PAK1: variants seen among roughly 807,000 people sequenced by gnomAD.
PAK1 encodes p21 (RAC1) activated kinase 1, also known as serine/threonine-protein kinase PAK 1.
Under a neutral mutation model 67.4 loss-of-function variants are expected in PAK1, and 29 were observed. The ratio of observed to expected loss-of-function variants is 0.43; its 90% confidence interval spans 0.32 to 0.59. The LOEUF (loss-of-function observed/expected upper bound fraction) is 0.59, where lower values mean the gene tolerates loss of function less well. Among genes scored for constraint, PAK1 ranks in the 20% least tolerant of loss-of-function variants. The pLI is 0.07. For synonymous variants in PAK1, 223 were observed against 237.4 expected, an observed-to-expected ratio of 0.94 and a Z score of 0.56; for missense variants, 337 against 670.7, an observed-to-expected ratio of 0.50 and a Z score of 5.50.
At chr11:77,471,685 A>T (rs998876361) in intron 1 of PAK1, among the ~76,000 whole-genome samples, 3 of 152,080 alleles carry the variant, frequency 2.0e-5, no homozygotes, top group African/African-American at 7.2e-5. Flanking sequence ...ATTCCATGTT[A>T]CTCTGAAATT....
At chr11:77,453,924 T>A (rs1412672218) in intron 1 of PAK1, among the ~76,000 whole-genome samples, 1 of 151,868 alleles carries the variant, frequency 6.6e-6, no homozygotes, top group African/African-American at 2.4e-5. Context: ...TACAAAAAAA[T>A]ACAAAAAAAT....
At chr11:77,509,236 C>G in the PAK1 span, among the ~76,000 whole-genome samples, 1 of 151,178 alleles carries the variant, frequency 6.6e-6, no homozygotes, top group African/African-American at 2.4e-5. Flanking sequence ...CCAGCCTGGG[C>G]GACTGAGCGA....
intron 1 of PAK1, among the ~76,000 whole-genome samples, chr11:77,415,930 A>G (rs1331362180): frequency 6.6e-6 from 1 of 151,516 alleles, no homozygotes; most frequent in East Asian, 1.9e-4. Flanking sequence ...ACAGCTATAC[A>G]ATATTTTCTT....
At chr11:77,355,430 T>C (rs2136503860) in intron 7 of PAK1, among the ~76,000 whole-genome samples, 1 of 152,228 alleles carries the variant, frequency 6.6e-6, no homozygotes, top group East Asian at 1.9e-4. Flanking sequence ...GGGTGAGGGA[T>C]GCCCTGCCCT....
intron 11 of PAK1, among the ~76,000 whole-genome samples, chr11:77,338,991 T>A (rs1943164190): frequency 6.6e-6 from 1 of 152,034 alleles, no homozygotes; most frequent in African/African-American, 2.4e-5. Flanking sequence ...ATAAAAAGGA[T>A]CTAAAATTCA....
chr11:77,415,119 T>C (rs1048343622), intron 1 of PAK1, among the ~76,000 whole-genome samples: 2 of 152,216 alleles, frequency 1.3e-5, no homozygotes, highest in Non-Finnish European at 2.9e-5. Context: ...AATAAGCATA[T>C]GAAAAGATGC....
the PAK1 span, among the ~76,000 whole-genome samples, chr11:77,514,097 C>T: frequency 1.3e-5 from 2 of 152,280 alleles, no homozygotes; most frequent in South Asian, 4.1e-4. Flanking sequence ...GGAGAGATTC[C>T]AGAGCCTGCT....
At chr11:77,325,515 T>G in intron 14 of PAK1, 1 of 829,830 alleles carries the variant, frequency 1.2e-6, no homozygotes, top group South Asian at 2.0e-5. Flanking sequence ...TATTACTAGT[T>G]ATATTACTAT....
chr11:77,516,977 G>C, the PAK1 span, among the ~76,000 whole-genome samples: 2 of 152,032 alleles, frequency 1.3e-5, no homozygotes, highest in African/African-American at 4.8e-5. Context: ...CCGCAGTCTA[G>C]AGTTGGTGAC....
intron 1 of PAK1, among the ~76,000 whole-genome samples, chr11:77,397,691 C>G (rs1185824839): frequency 6.6e-6 from 1 of 152,240 alleles, no homozygotes; most frequent in Non-Finnish European, 1.5e-5. Flanking sequence ...ACAACTACCT[C>G]TTTCTACTCT....
intron 1 of PAK1, among the ~76,000 whole-genome samples, chr11:77,454,701 C>T (rs1331002621): frequency 2.0e-5 from 3 of 152,144 alleles, no homozygotes; most frequent in Non-Finnish European, 4.4e-5. Flanking sequence ...TTAGCAAGTT[C>T]CCAGAACACA....
At chr11:77,412,326 C>A (rs1056793025) in intron 1 of PAK1, among the ~76,000 whole-genome samples, 5 of 152,150 alleles carry the variant, frequency 3.3e-5, no homozygotes, top group Admixed American at 1.3e-4. Flanking sequence ...ACACCTCCCC[C>A]CTCCCCAAAC....
the PAK1 span, among the ~76,000 whole-genome samples, chr11:77,501,543 C>G: frequency 6.6e-6 from 1 of 152,196 alleles, no homozygotes; most frequent in Non-Finnish European, 1.5e-5. Context: ...GCTGATCCCA[C>G]CCTGTTCCAG....
At chr11:77,386,063 G>A (rs976477384) in intron 2 of PAK1, among the ~76,000 whole-genome samples, 6 of 152,036 alleles carry the variant, frequency 3.9e-5, no homozygotes, top group East Asian at 1.9e-4. Flanking sequence ...AAAATAAAGC[G>A]GGAAAAGAAG....
intron 14 of PAK1, among the ~76,000 whole-genome samples, chr11:77,324,195 C>T (rs1435688823): frequency 6.5e-5 from 7 of 106,974 alleles, no homozygotes; most frequent in Non-Finnish European, 9.7e-5. Context: ...TTTTTTGAGA[C>T]GGAGTCTCAC....
intron 14 of PAK1, among the ~76,000 whole-genome samples, chr11:77,328,547 A>G (rs1940627499): frequency 6.6e-6 from 1 of 152,268 alleles, no homozygotes; most frequent in Non-Finnish European, 1.5e-5. Context: ...TGGGTAAATA[A>G]TGAAATGAAG....
intron 1 of PAK1, among the ~76,000 whole-genome samples, chr11:77,451,108 A>G (rs1356146242): frequency 6.6e-6 from 1 of 152,242 alleles, no homozygotes; most frequent in African/African-American, 2.4e-5. Flanking sequence ...GAATATCTCA[A>G]ACATTTACTG....
intron 5 of PAK1, among the ~76,000 whole-genome samples, chr11:77,365,788 G>A (rs1283797322): frequency 6.6e-6 from 1 of 151,532 alleles, no homozygotes; most frequent in Non-Finnish European, 1.5e-5. Context: ...AACCAAGATC[G>A]CACCACTGTA....
intron 1 of PAK1, among the ~76,000 whole-genome samples, chr11:77,449,078 C>T (rs1956740892): frequency 6.6e-6 from 1 of 152,136 alleles, no homozygotes; most frequent in African/African-American, 2.4e-5. Flanking sequence ...GAAATTAACC[C>T]AGAAAGCTCG....
Sources: gnomAD v4.1 joint callset for allele counts (sites outside exome capture counted in the v4.1 genomes callset) on GRCh38, gnomAD v4.1.1 for gene constraint, MANE v1.5 for transcripts, NCBI Gene and HGNC (gene_info 2026-07-23, HGNC 2026-07-21) for gene names.